The following RBFOX1 variants were observed in gnomAD, a reference collection of about 807,000 sequenced individuals.
RBFOX1 encodes RNA binding protein fox-1 homolog 1.
In RBFOX1, 8 loss-of-function variants were observed where a neutral mutation model predicts 57.7. The observed-to-expected ratio is 0.14, with a 90% CI of 0.08 to 0.25. The LOEUF is 0.25. RBFOX1 is among the 10% of genes least tolerant of loss of function. RBFOX1 has a pLI of 1.00. For synonymous variants in RBFOX1, 326 were observed against 222.4 expected, an observed-to-expected ratio of 1.47 and a Z score of -4.15; for missense variants, 611 against 548.5, an observed-to-expected ratio of 1.11 and a Z score of -1.14.
chr16:7,526,376 G>A (rs1479661689), intron 5 of RBFOX1, among the ~76,000 whole-genome samples: 1 of 152,128 alleles, frequency 6.6e-6, no homozygotes, highest in Non-Finnish European at 1.5e-5. Context: ...TTAAGGCCTG[G>A]CCTCTGGACT....
intron 4 of RBFOX1, among the ~76,000 whole-genome samples, chr16:7,401,026 T>C (rs538087586): frequency 2.5e-4 from 38 of 152,286 alleles, no homozygotes; most frequent in South Asian, 6.2e-4. Context: ...AAGTATGATA[T>C]ATTGCCCGAT....
At chr16:7,026,536 C>A (rs2040998703) in intron 3 of RBFOX1, among the ~76,000 whole-genome samples, 1 of 152,110 alleles carries the variant, frequency 6.6e-6, no homozygotes, top group South Asian at 2.1e-4. Context: ...CACACATACA[C>A]AATCACAGCT....
intron 3 of RBFOX1, among the ~76,000 whole-genome samples, chr16:6,957,096 T>G (rs2082002130): frequency 7.4e-6 from 1 of 135,662 alleles, no homozygotes; most frequent in Admixed American, 7.3e-5. Flanking sequence ...TGGTTATTTA[T>G]TTTATTTTTT....
intron 3 of RBFOX1, among the ~76,000 whole-genome samples, chr16:5,831,299 G>A (rs1457867852): frequency 1.3e-5 from 2 of 151,968 alleles, no homozygotes; most frequent in East Asian, 3.9e-4. Flanking sequence ...TTTTTCAAAA[G>A]TGTGTGGCAC....
chr16:7,052,269 C>G lies in RBFOX1; in HGVS notation c.27+171C>G, dbSNP rs539549579. On this transcript the variant is annotated intron_variant, in intron 4 of 15. Transcript: ENST00000550418. ...TTAGTATTGATTGAGCTGTTAAATA[C>G]AGTATATCTTCTTTGGAAGTGCCGT... 2.0e-5 allele frequency among the ~76,000 whole-genome samples: 3 copies of G among 152,298 alleles called. No individual in the cohort carries two copies. The South Asian group carries it at 6.2e-4, about 32-fold the overall frequency.
At chr16:6,145,428 A>G (rs2096750507) in intron 1 of RBFOX1, among the ~76,000 whole-genome samples, 2 of 151,866 alleles carry the variant, frequency 1.3e-5, no homozygotes, top group South Asian at 4.2e-4. Flanking sequence ...TCTTTATTCC[A>G]TCTGTCATTG....
intron 1 of RBFOX1, among the ~76,000 whole-genome samples, chr16:5,273,742 G>T (rs920622862): frequency 2.0e-5 from 3 of 152,096 alleles, no homozygotes; most frequent in African/African-American, 7.2e-5. Context: ...CTGTGAGGAG[G>T]GTCTTGATAT....
intron 1 of RBFOX1, among the ~76,000 whole-genome samples, chr16:6,084,188 A>T (rs992032288): frequency 6.6e-6 from 1 of 152,118 alleles, no homozygotes; most frequent in African/African-American, 2.4e-5. Context: ...GTGTTTTTGC[A>T]CAGTGCCCAG....
intron 3 of RBFOX1, among the ~76,000 whole-genome samples, chr16:7,051,537 C>G (rs1220067441): frequency 6.6e-6 from 1 of 152,232 alleles, no homozygotes; most frequent in Non-Finnish European, 1.5e-5. Flanking sequence ...CTCCCCAGCA[C>G]AATCCTATGG....
chr16:6,777,663 T>C (rs538802670), intron 3 of RBFOX1, among the ~76,000 whole-genome samples: 18 of 152,220 alleles, frequency 1.2e-4, no homozygotes, highest in Admixed American at 1.2e-3. Context: ...AGCCTGACAG[T>C]TTCTTAAATC....
intron 4 of RBFOX1, among the ~76,000 whole-genome samples, chr16:7,354,765 C>G (rs1258945166): frequency 6.6e-6 from 1 of 152,140 alleles, no homozygotes; most frequent in African/African-American, 2.4e-5. Flanking sequence ...CAGTAGCCCT[C>G]AAAACTGTGC....
At chr16:6,359,540 CT>C (rs1425705148) in intron 2 of RBFOX1, among the ~76,000 whole-genome samples, 1 of 152,162 alleles carries the variant, frequency 6.6e-6, no homozygotes, top group East Asian at 1.9e-4. Context: ...AATGTTAATT[CT>C]TTTGGTAGCC....
At chr16:7,632,012 C>G (rs898670003) in intron 11 of RBFOX1, among the ~76,000 whole-genome samples, 1 of 152,122 alleles carries the variant, frequency 6.6e-6, no homozygotes, top group African/African-American at 2.4e-5. Context: ...TGGGCTCAAG[C>G]AATTCTCATG....
intron 2 of RBFOX1, among the ~76,000 whole-genome samples, chr16:6,435,166 G>A (rs1278140581): frequency 1.3e-5 from 2 of 151,998 alleles, no homozygotes; most frequent in African/African-American, 2.4e-5. Context: ...CGTAGTGAAC[G>A]CATGTTACCA....
At chr16:7,153,086 A>T (rs1004730898) in intron 4 of RBFOX1, among the ~76,000 whole-genome samples, 2 of 152,186 alleles carry the variant, frequency 1.3e-5, no homozygotes, top group African/African-American at 4.8e-5. Context: ...ATTTTGTACA[A>T]AACTTGTCTC....
intron 3 of RBFOX1, among the ~76,000 whole-genome samples, chr16:6,903,030 G>A (rs1426167795): frequency 1.3e-5 from 2 of 152,138 alleles, no homozygotes; most frequent in South Asian, 4.1e-4. Context: ...TGAGATGACT[G>A]CTCCTGTGAA....
intron 4 of RBFOX1, among the ~76,000 whole-genome samples, chr16:5,944,987 A>AAAAAAGAG (rs1555453186): frequency 1.0e-5 from 1 of 96,996 alleles, no homozygotes; most frequent in Non-Finnish European, 2.2e-5. Context: ...AAAAAAAAAA[A>AAAAAAGAG]AGAGAGAGAG....
intron 4 of RBFOX1, among the ~76,000 whole-genome samples, chr16:5,906,504 C>T (rs537754845): frequency 1.3e-5 from 2 of 151,930 alleles, no homozygotes; most frequent in Non-Finnish European, 2.9e-5. Context: ...GCACTTCCAG[C>T]CTCCAGAACT....
chr16:6,799,724 G>T (rs1041698655), intron 3 of RBFOX1, among the ~76,000 whole-genome samples: 9 of 152,110 alleles, frequency 5.9e-5, no homozygotes, highest in African/African-American at 2.2e-4. Context: ...CTCCTGTGCT[G>T]GATACTTCTT....
Sources: allele counts gnomAD v4.1 joint callset (sites outside exome capture counted in the v4.1 genomes callset), GRCh38; gene constraint gnomAD v4.1.1; transcripts MANE v1.5; gene names NCBI Gene and HGNC (gene_info 2026-07-23, HGNC 2026-07-21).